The following LYN variants were observed in gnomAD, a reference collection of about 807,000 sequenced individuals.
LYN encodes tyrosine-protein kinase Lyn.
A neutral mutation model predicts 65.0 loss-of-function variants in LYN; 12 were observed. That is an observed-to-expected ratio of 0.18 (90% CI 0.12 to 0.30). The LOEUF (loss-of-function observed/expected upper bound fraction) is 0.30. Ranked by LOEUF, LYN falls within the 10% of genes least tolerant of loss-of-function variation. The pLI is 1.00. For missense variants in LYN, 380 were observed against 623.2 expected, an observed-to-expected ratio of 0.61 and a Z score of 4.16; for synonymous variants, 222 against 221.2, an observed-to-expected ratio of 1.00 and a Z score of -0.03.
chr8:55,949,289 C>T (rs1806870572), intron 4 of LYN, among the ~76,000 whole-genome samples: 1 of 152,228 alleles, frequency 6.6e-6, no homozygotes, highest in African/African-American at 2.4e-5. Context: ...GGGCAAGTTA[C>T]AAACCTTTTG....
intron 10 of LYN, among the ~76,000 whole-genome samples, chr8:55,984,044 G>A (rs895802782): frequency 6.6e-6 from 1 of 152,028 alleles, no homozygotes; most frequent in African/African-American, 2.4e-5. Context: ...CTTGTTGACC[G>A]CACTGCTCCT....
chr8:55,950,579 T>C (rs1293785380), intron 5 of LYN, 22 bp downstream of exon 5: 4 of 1,602,812 alleles, frequency 2.5e-6, no homozygotes, highest in Non-Finnish European at 3.4e-6. Flanking sequence ...TGTGTTGTCA[T>C]CTTGGTGGCT....
At chr8:55,887,896 C>G (rs1292637674) in intron 1 of LYN, among the ~76,000 whole-genome samples, 7 of 152,082 alleles carry the variant, frequency 4.6e-5, no homozygotes, top group African/African-American at 1.7e-4. Context: ...AGGCATAAGT[C>G]ATTGCGCCTG....
chr8:55,981,855 T>C (rs1274968541), intron 10 of LYN, among the ~76,000 whole-genome samples: 1 of 152,164 alleles, frequency 6.6e-6, no homozygotes. Context: ...AAGTGCAGCT[T>C]TGTTTTGCAT....
rs550972902 is a variant in LYN at position 55,893,813 on chromosome 8, G to A, written c.-6+13710G>A. 3 of 150,916 alleles carry A rather than the reference G, an allele frequency of 2.0e-5. No homozygotes were observed. The East Asian group carries it at 5.9e-4, about 29-fold the overall frequency. 9.3% of individuals were successfully genotyped at this position (150,916 alleles called of 1,614,324 possible). ...TGTTTTGTTTTGTTTTTTTTTAGAA[G>A]CAAGATCTCACTATGTTGCCCAGGC... On this transcript the variant is annotated intron_variant, in intron 1 of 12. Transcript: ENST00000519728.
chr8:55,963,691 A>G (rs189609929), intron 8 of LYN, among the ~76,000 whole-genome samples: 10 of 152,226 alleles, frequency 6.6e-5, no homozygotes, highest in Admixed American at 6.5e-4. Flanking sequence ...TCACGTGTTT[A>G]TTACTCATAT....
intron 10 of LYN, among the ~76,000 whole-genome samples, chr8:55,998,054 G>A (rs528190392): frequency 2.1e-4 from 32 of 152,044 alleles, no homozygotes; most frequent in Middle Eastern, 3.4e-3. Context: ...ACTGCACTCC[G>A]GCCTGGGTGA....
chr8:55,906,671 G>C (rs1192375207), intron 1 of LYN, among the ~76,000 whole-genome samples: 4 of 151,286 alleles, frequency 2.6e-5, no homozygotes, highest in Non-Finnish European at 2.9e-5. Context: ...TCAAGAATTT[G>C]AGATCAGCTT....
chr8:55,988,483 GTTATT>G (rs1038574549), intron 10 of LYN, among the ~76,000 whole-genome samples: 3 of 151,942 alleles, frequency 2.0e-5, no homozygotes, highest in African/African-American at 7.3e-5. Context: ...TATTAATATT[GTTATT>G]TTATAGGCAT....
chr8:55,956,122 T>C (rs896973502), intron 8 of LYN, among the ~76,000 whole-genome samples: 2 of 152,166 alleles, frequency 1.3e-5, no homozygotes, highest in African/African-American at 4.8e-5. Context: ...AAAAAAAGAA[T>C]GACTTGGCTT....
chr8:55,883,904 T>C (rs1021621697), intron 1 of LYN, among the ~76,000 whole-genome samples: 1 of 152,216 alleles, frequency 6.6e-6, no homozygotes, highest in South Asian at 2.1e-4. Flanking sequence ...TTCTTACAGC[T>C]GTCTGGTTTC....
chr8:55,936,569 G>A (rs562032671), intron 1 of LYN, among the ~76,000 whole-genome samples: 12 of 152,152 alleles, frequency 7.9e-5, no homozygotes, highest in Admixed American at 1.3e-4. Flanking sequence ...GGGCCCGGGA[G>A]GCAGAGTTTG....
At chr8:55,983,374 G>C (rs73590352) in intron 10 of LYN, among the ~76,000 whole-genome samples, 5,923 of 152,202 alleles carry the variant, frequency 0.039, 403 homozygotes, top group African/African-American at 0.14. Flanking sequence ...TAGAAATTCC[G>C]CATTAGCGTT....
intron 4 of LYN, among the ~76,000 whole-genome samples, chr8:55,948,331 T>C (rs2130487866): frequency 6.6e-6 from 1 of 152,316 alleles, no homozygotes; most frequent in East Asian, 1.9e-4. Context: ...GTGTGGCCCA[T>C]GCATGATACT....
chr8:55,999,323 A>G (rs113548964), intron 11 of LYN, 95 bp from the exon 12 acceptor site: 1 of 1,186,062 alleles, frequency 8.4e-7, no homozygotes, highest in Non-Finnish European at 1.2e-6. Context: ...TCCGCCTCAA[A>G]AAAAGAAAAG....
At chr8:55,887,603 C>CACACACACACAT (rs775901867) in intron 1 of LYN, among the ~76,000 whole-genome samples, 10 of 112,000 alleles carry the variant, frequency 8.9e-5, no homozygotes, top group African/African-American at 3.0e-4. Context: ...CACACACACA[C>CACACACACACAT]ATATATATAT....
chr8:55,923,353 C>T lies in LYN; in HGVS notation c.-5-18502C>T, dbSNP rs145263129. Among the ~76,000 whole-genome samples the T allele has an allele frequency of 1.1e-4, 17 of 152,158 alleles. No homozygotes were observed. The East Asian group carries it at 2.7e-3, about 24-fold the overall frequency. On this transcript the variant is annotated intron_variant, in intron 1 of 12. Coordinates refer to ENST00000519728, the MANE Select transcript of LYN (RefSeq NM_002350.4). ...CTTCCCAGCACATCTGCTCAGTTTC[C>T]GCCTCTCTGTCAAGCTACACCTGCT...
chr8:55,972,487 A>G (rs1448754861), intron 10 of LYN, among the ~76,000 whole-genome samples: 3 of 152,146 alleles, frequency 2.0e-5, no homozygotes, highest in African/African-American at 7.2e-5. Context: ...TCAGCCTGAA[A>G]TCCCATACCT....
chr8:55,917,771 G>T (rs1311994312), intron 1 of LYN, among the ~76,000 whole-genome samples: 3 of 152,198 alleles, frequency 2.0e-5, no homozygotes, highest in Admixed American at 1.3e-4. Context: ...TAGATATCTT[G>T]TTTGACCCTG....
Sources: gnomAD v4.1 joint callset for allele counts (sites outside exome capture counted in the v4.1 genomes callset) on GRCh38, gnomAD v4.1.1 for gene constraint, MANE v1.5 for transcripts, NCBI Gene and HGNC (gene_info 2026-07-23, HGNC 2026-07-21) for gene names.